Variants in MUTYH observed in about 807,000 individuals in gnomAD.
The protein encoded by MUTYH is mutY DNA glycosylase.
A neutral mutation model predicts 72.9 loss-of-function variants in MUTYH; 64 were observed. The ratio of observed to expected loss-of-function variants is 0.88; its 90% CI spans 0.72 to 1.08. The LOEUF (loss-of-function observed/expected upper bound fraction) is 1.08. MUTYH is among the 50% of genes least tolerant of loss of function. The pLI is 0.00. For missense variants in MUTYH, 633 were observed against 671.0 expected (o/e 0.94, Z 0.63); for synonymous variants, 234 against 263.1 (o/e 0.89, Z 1.07).
rs186805302 is a variant in MUTYH at position 45,336,612 on chromosome 1, A to C, written c.-6-2101T>G. Among the ~76,000 whole-genome samples the C allele has an allele frequency of 1.6e-3, 239 of 151,846 alleles. 1 individual carries two copies. Among genetic ancestry groups the C allele is most frequent in the Non-Finnish European group, 1.2e-4 (8 of 67,942 alleles). On this transcript the variant is annotated intron_variant, in intron 1 of 15. Transcript: ENST00000456914. ...TTGTGAGATCCACCCCCTGCCCCCA[A>C]AACATTGCTCTTAACTCCAATGCCT...
In MUTYH at chr1:45,331,648, A is replaced by G; in HGVS notation, c.1102+13T>C. The stretch of plus-strand genomic sequence containing the variant: ...ACTCATGCCACTGCCCTCCACGCCC[A>G]GTATCCAGGTACCTGAGTTGGGCCT... On this transcript the variant is annotated intron_variant, in intron 12 of 15. Coordinates refer to ENST00000456914, the MANE Select transcript of MUTYH (RefSeq NM_001048174.2). The G allele has an allele frequency of 6.2e-7, 1 of 1,613,678 alleles. No homozygotes were observed.
rs369299948 is a variant in MUTYH, at chr1:45,331,487, G to T, written c.1172C>A (p.Ala391Asp). The T allele has an allele frequency of 3.3e-5, 54 of 1,614,064 alleles. No homozygotes were observed. Among genetic ancestry groups the T allele is most frequent in the Non-Finnish European group, 4.1e-5 (48 of 1,180,048 alleles). Reference protein sequence around the residue: ...WEPSEQLQRKALLQELQRWAG... With the variant: ...WEPSEQLQRKDLLQELQRWAG... ...CCAACGCTGTAGTTCCTGCAGCAGG[G>T]CCTTGCGCTGAAGCTGCTCTGAGGG... Residue 391 changes from alanine (A) to aspartate (D), a missense_variant, in exon 13 of 16, where the codon GCC becomes GAC. Coordinates refer to ENST00000456914, the MANE Select transcript of MUTYH (RefSeq NM_001048174.2).
At chr1:45,332,733 T>TC (rs1645168244) in intron 7 of MUTYH, 30 bp downstream of exon 7, 1 of 1,614,136 alleles carries the variant, frequency 6.2e-7, no homozygotes, top group East Asian at 2.2e-5. Flanking sequence ...CCAAGACTCC[T>TC]GGGTTCCTAC....
upstream of MUTYH, chr1:45,340,291 C>T (rs749548330): frequency 5.0e-6 from 8 of 1,613,170 alleles, no homozygotes; most frequent in Non-Finnish European, 6.8e-6. Context: ...TTTCAGCTCC[C>T]GCAGCTTCCG....
intron 15 of MUTYH, 38 bp from the exon 16 acceptor site, chr1:45,329,475 G>C (rs1273629815): frequency 1.2e-6 from 2 of 1,612,354 alleles, no homozygotes; most frequent in East Asian, 2.2e-5. Context: ...TTGTAGTTGG[G>C]GGAGGGGGAG....
rs769766446 is a variant in MUTYH at position 45,332,455 on chromosome 1, C to A, written c.640G>T (p.Val214Leu). The A allele has an allele frequency of 1.9e-5, 30 of 1,614,008 alleles. No individual in the cohort carries two copies. The highest frequency in any genetic ancestry group is 2.5e-5 in the Non-Finnish European group (29 of 1,180,006). Residue 214 changes from valine to leucine, a missense_variant, in exon 9 of 16, where the codon GTG (valine) becomes TTG (leucine). Val to Leu is a conservative substitution (Grantham distance 32). Coordinates refer to ENST00000456914, the MANE Select transcript of MUTYH (RefSeq NM_001048174.2). The part of the protein sequence containing the change: ...TGVVDGNVAR[V>L]LCRVRAIGAD... ...CCAATGGCTCGGACACGGCACAGCA[C>A]CCGTGCTACGTTGCCATCCACCACA...
Position 45,331,438 on chromosome 1 carries a change from G to C in MUTYH, c.1221C>G (p.His407Gln), listed in dbSNP as rs762970030. Residue 407 changes from histidine to glutamine, a missense_variant, in exon 13 of 16, where the codon CAC becomes CAG. Transcript: ENST00000456914. ...QRWAGPLPAT[H>Q]LRHLGEVVHT... ...CACTTACCTCCCCAAGGTGCCGGAG[G>C]TGCGTGGCTGGGAGGGGCCCAGCCC... 1 of 1,614,136 alleles carries C rather than the reference G, an allele frequency of 6.2e-7. No individual in the cohort carries two copies. Among genetic ancestry groups the C allele is most frequent in the East Asian group, 2.2e-5 (1 of 44,900 alleles).
chr1:45,336,816 G>C (rs1171642116), intron 1 of MUTYH, among the ~76,000 whole-genome samples: 1 of 152,204 alleles, frequency 6.6e-6, no homozygotes, highest in Non-Finnish European at 1.5e-5. Flanking sequence ...TGTTTTGCCA[G>C]ATGGTATATA....
chr1:45,333,170 A>G lies in MUTYH; in HGVS notation c.305T>C (p.Val102Ala), dbSNP rs759765956. 6.2e-7 allele frequency: 1 copy of G among 1,614,164 alleles called. No individual in the cohort carries two copies. The highest frequency in any genetic ancestry group is 1.1e-5 in the South Asian group (1 of 91,082). ...CTGCAGCATGACCTCTGAGACCCACACTGGGGGAAAGGGGTTGGCATGAGG... is the reference window on the plus strand; with the variant it reads ...CTGCAGCATGACCTCTGAGACCCACGCTGGGGGAAAGGGGTTGGCATGAGG... ...EMDLDRRAYA[V>A]WVSEVMLQQT... Residue 102 changes from valine (V) to alanine (A), a missense_variant and splice_region_variant, in exon 5 of 16, where the codon GTG becomes GCG. Val to Ala is a moderately conservative substitution (Grantham distance 64). Coordinates refer to ENST00000456914, the MANE Select transcript of MUTYH (RefSeq NM_001048174.2).
At chr1:45,330,654 AAAT>A in intron 14 of MUTYH, 97 bp from the exon 15 acceptor site, 1 of 1,441,700 alleles carries the variant, frequency 6.9e-7, no homozygotes. Flanking sequence ...CTTTTGTTTA[AAAT>A]ATGCTTTTTT....
chr1:45,332,001 G>C (rs770206338), intron 11 of MUTYH, 22 bp downstream of exon 11: 1 of 1,614,148 alleles, frequency 6.2e-7, no homozygotes, highest in Non-Finnish European at 8.5e-7. Context: ...GGGTTGGGGT[G>C]GGGGCTAGGT....
intron 1 of MUTYH, among the ~76,000 whole-genome samples, chr1:45,336,994 A>G (rs1468357602): frequency 2.0e-5 from 3 of 152,072 alleles, no homozygotes; most frequent in Admixed American, 6.5e-5. Flanking sequence ...TCGTAACACA[A>G]TCAAATCCCA....
intron 1 of MUTYH, among the ~76,000 whole-genome samples, chr1:45,338,898 G>A (rs1480345709): frequency 2.0e-5 from 3 of 151,878 alleles, no homozygotes; most frequent in Non-Finnish European, 4.4e-5. Context: ...CCTGTAGCTG[G>A]GACTACAGGT....
In MUTYH at chr1:45,339,741, G is replaced by C. The variant is rs3219469; in HGVS notation, c.-7+158C>G. 4.9e-5 allele frequency: 48 copies of C among 971,064 alleles called. No individual in the cohort carries two copies. The Admixed American group carries it at 8.8e-4, about 18-fold the overall frequency. 60.2% of individuals were successfully genotyped at this position (971,064 alleles called of 1,614,324 possible). A position where few individuals can be genotyped will look rare whatever the true frequency, so the allele number is the denominator to read the frequency against. ...TCTTTCACTTTCTGGAGATCACTGA[G>C]CTCTCCATCCTCTCTGGGAATTTAC... is the stretch of plus-strand genomic sequence containing the variant. On this transcript the variant is annotated intron_variant, in intron 1 of 15. Coordinates refer to ENST00000456914, the MANE Select transcript of MUTYH (RefSeq NM_001048174.2).
chr1:45,339,493 C>A (rs1318077281), intron 1 of MUTYH, among the ~76,000 whole-genome samples: 1 of 152,044 alleles, frequency 6.6e-6, no homozygotes, highest in Non-Finnish European at 1.5e-5. Flanking sequence ...GGATTACAGG[C>A]GTGAGCCACC....
In MUTYH at chr1:45,331,753, T is replaced by A. The variant is rs1553126588; in HGVS notation, c.1010A>T (p.Lys337Met). 1.2e-6 allele frequency: 2 copies of A among 1,614,078 alleles called. No homozygotes were observed. Among genetic ancestry groups the A allele is most frequent in the South Asian group, 2.2e-5 (2 of 91,084 alleles). ...VVNFPRKASR[K>M]PPREESSATC... is the part of the protein sequence containing the mutation. ...GGCAGAGCTCTCCTCCCTGGGGGGC[T>A]TGCGGCTGGCCTTTCTGGGGAAGTT... Residue 337 changes from lysine to methionine, a missense_variant, in exon 12 of 16, where the codon AAG becomes ATG. Transcript: ENST00000456914.
chr1:45,339,385 T>C (rs1646553884), intron 1 of MUTYH, among the ~76,000 whole-genome samples: 1 of 151,810 alleles, frequency 6.6e-6, no homozygotes, highest in African/African-American at 2.4e-5. Flanking sequence ...TAATTTTTTT[T>C]GTACTTTTAG....
chr1:45,337,147 CTT>C (rs571256815), intron 1 of MUTYH, among the ~76,000 whole-genome samples: 7 of 142,412 alleles, frequency 4.9e-5, no homozygotes, highest in Non-Finnish European at 4.6e-5. Context: ...GTTTCCCATT[CTT>C]TTTTTTTTTT....
At position 45,331,779 on chromosome 1, in the gene MUTYH, G is replaced by A; in HGVS notation, c.984C>T (p.Val328=). ...TGCGGCTGGCCTTTCTGGGGAAGTTGACCACTCCCAGGGTCTGGTCCCAGG... is the reference window on the plus strand; with the variant it reads ...TGCGGCTGGCCTTTCTGGGGAAGTTAACCACTCCCAGGGTCTGGTCCCAGG... ...SEPWDQTLGV[V]NFPRKASRKP... Residue 328 remains valine (V), a synonymous_variant, in exon 12 of 16, where the codon GTC becomes GTT. Transcript: ENST00000456914. 1 of 1,613,644 alleles carries A rather than the reference G, an allele frequency of 6.2e-7. No individual in the cohort carries two copies. The highest frequency in any genetic ancestry group is 1.3e-5 in the African/African-American group (1 of 75,040).
Sources: allele counts gnomAD v4.1 joint callset (sites outside exome capture counted in the v4.1 genomes callset), GRCh38; gene constraint gnomAD v4.1.1; transcripts MANE v1.5; gene names NCBI Gene and HGNC (gene_info 2026-07-23, HGNC 2026-07-21).